Variants in PPM1E observed in about 807,000 individuals in gnomAD.
The protein encoded by PPM1E is protein phosphatase 1E.
A neutral mutation model predicts 65.9 loss-of-function variants in PPM1E; 20 were observed. The ratio of observed to expected loss-of-function variants is 0.30; its 90% CI spans 0.21 to 0.44. The LOEUF (loss-of-function observed/expected upper bound fraction) is 0.44, where lower values mean the gene tolerates loss of function less well. Among genes scored for constraint, PPM1E ranks in the 20% least tolerant of loss-of-function variants. The pLI is 1.00. For synonymous variants in PPM1E, 352 were observed against 374.9 expected (o/e 0.94, Z 0.70); for missense variants, 713 against 953.1 (o/e 0.75, Z 3.32).
intron 1 of PPM1E, among the ~76,000 whole-genome samples, chr17:58,878,918 GA>G (rs1434534605): frequency 4.1e-5 from 6 of 147,956 alleles, no homozygotes; most frequent in Non-Finnish European, 9.0e-5. Flanking sequence ...AAAAAAAAAA[GA>G]AAAAAAGAAA....
chr17:58,924,400 A>C (rs2051796934), intron 1 of PPM1E, among the ~76,000 whole-genome samples: 1 of 152,022 alleles, frequency 6.6e-6, no homozygotes, highest in Non-Finnish European at 1.5e-5. Flanking sequence ...AAAATTAAAA[A>C]TTTAGCTGGG....
intron 1 of PPM1E, among the ~76,000 whole-genome samples, chr17:58,809,396 C>CA (rs1386790316): frequency 6.6e-6 from 1 of 151,996 alleles, no homozygotes; most frequent in East Asian, 1.9e-4. Context: ...GCCAAATTAA[C>CA]AAAATTTTTT....
At chr17:58,925,950 A>G (rs1363395375) in intron 1 of PPM1E, among the ~76,000 whole-genome samples, 1 of 152,162 alleles carries the variant, frequency 6.6e-6, no homozygotes, top group Non-Finnish European at 1.5e-5. Context: ...ATTCTCATCA[A>G]CAGTGTATGG....
intron 1 of PPM1E, among the ~76,000 whole-genome samples, chr17:58,801,770 T>TG (rs1430695316): frequency 6.6e-6 from 1 of 151,174 alleles, no homozygotes; most frequent in Non-Finnish European, 1.5e-5. Context: ...ATTTTTATTT[T>TG]TTTTGAGACA....
intron 1 of PPM1E, among the ~76,000 whole-genome samples, chr17:58,843,444 C>T (rs1337881606): frequency 6.6e-6 from 1 of 151,542 alleles, no homozygotes; most frequent in Non-Finnish European, 1.5e-5. Flanking sequence ...TGCTTGAACC[C>T]GGGAGGTAGA....
At chr17:58,797,346 GA>G (rs1217284245) in intron 1 of PPM1E, among the ~76,000 whole-genome samples, 1 of 152,052 alleles carries the variant, frequency 6.6e-6, no homozygotes, top group Non-Finnish European at 1.5e-5. Context: ...TGCTATTCCA[GA>G]AGGTTTCTTC....
intron 1 of PPM1E, among the ~76,000 whole-genome samples, chr17:58,933,028 C>T (rs774596031): frequency 1.3e-5 from 2 of 152,218 alleles, no homozygotes; most frequent in Non-Finnish European, 2.9e-5. Flanking sequence ...CAGTAACACA[C>T]TGTGCACTAT....
intron 1 of PPM1E, among the ~76,000 whole-genome samples, chr17:58,897,330 C>G (rs1045414782): frequency 6.6e-6 from 1 of 151,416 alleles, no homozygotes; most frequent in African/African-American, 2.4e-5. Context: ...AGGAGAATGG[C>G]GTGAACCTGG....
intron 1 of PPM1E, among the ~76,000 whole-genome samples, chr17:58,786,617 T>C (rs2050103624): frequency 6.6e-6 from 1 of 152,184 alleles, no homozygotes; most frequent in Non-Finnish European, 1.5e-5. Flanking sequence ...GTTTAAAACT[T>C]ATGAATTGTT....
At chr17:58,848,475 A>G (rs4643394) in intron 1 of PPM1E, among the ~76,000 whole-genome samples, 34,806 of 152,048 alleles carry the variant, frequency 0.23, 5,144 homozygotes, top group Middle Eastern at 0.41. Context: ...GAGAGTTTTT[A>G]GCATGAAGGG....
chr17:58,864,063 T>C (rs900504856), intron 1 of PPM1E, among the ~76,000 whole-genome samples: 1 of 150,618 alleles, frequency 6.6e-6, no homozygotes, highest in African/African-American at 2.4e-5. Context: ...ATCTAGTATT[T>C]CCCTGCCTTC....
In PPM1E at chr17:58,963,922, C is replaced by A. The variant is rs534698681; in HGVS notation, c.584-1772C>A. Among the ~76,000 whole-genome samples the A allele has an allele frequency of 7.9e-5, 12 of 152,062 alleles. No individual in the cohort carries two copies. The East Asian group carries it at 2.3e-3, about 29-fold the overall frequency. On this transcript the variant is annotated intron_variant, in intron 2 of 6. Coordinates refer to ENST00000308249, the MANE Select transcript of PPM1E (RefSeq NM_014906.5). ...AAAAATAAAAATAAAGAAGACAAAA[C>A]CACAAGACAGGATTTACCACCCTGT...
chr17:58,923,702 G>T (rs139907785), intron 1 of PPM1E, among the ~76,000 whole-genome samples: 1,554 of 146,520 alleles, frequency 0.011, 26 homozygotes, highest in African/African-American at 0.038. Context: ...AGCTGAGATC[G>T]CACTACTGCA....
chr17:58,861,351 A>C (rs576933551), intron 1 of PPM1E, among the ~76,000 whole-genome samples: 1 of 152,200 alleles, frequency 6.6e-6, no homozygotes, highest in Non-Finnish European at 1.5e-5. Context: ...TTCTCCATCT[A>C]TTATAATTAT....
chr17:58,853,565 T>G (rs2050850885), intron 1 of PPM1E, among the ~76,000 whole-genome samples: 1 of 152,146 alleles, frequency 6.6e-6, no homozygotes, highest in Non-Finnish European at 1.5e-5. Context: ...TGGTGGCTCA[T>G]GCCTGTAATC....
At position 58,982,955 on chromosome 17, in the gene PPM1E, T is replaced by C. The variant is rs374203266; in HGVS notation, c.*1924T>C. On this transcript the variant is annotated 3_prime_UTR_variant, in exon 7 of 7. Coordinates refer to ENST00000308249, the MANE Select transcript of PPM1E (RefSeq NM_014906.5). The stretch of plus-strand genomic sequence containing the variant: ...ACAAGAAAACAAAGGCAGCAGACTA[T>C]TGGTACACATTATAGTCCAAAGTGC... The C allele has an allele frequency of 2.6e-6, 4 of 1,561,384 alleles. No homozygotes were observed. Among genetic ancestry groups the C allele is most frequent in the African/African-American group, 2.7e-5 (2 of 73,712 alleles).
At chr17:58,863,447 T>C (rs2050964275) in intron 1 of PPM1E, among the ~76,000 whole-genome samples, 1 of 152,208 alleles carries the variant, frequency 6.6e-6, no homozygotes, top group Non-Finnish European at 1.5e-5. Context: ...CCAAGTGTGT[T>C]ACAATGCTCT....
rs768953017 is a variant in PPM1E at position 58,756,244 on chromosome 17, C to G, written c.247C>G (p.Gln83Glu). The change falls in exon 1 of 7, where the codon CAA becomes GAA. Residue 83 changes from glutamine to glutamate, a missense_variant. This residue lies in a region of PPM1E where 212 missense variants were observed against 204.0 expected (regional missense o/e 1.04). Coordinates refer to ENST00000308249, the MANE Select transcript of PPM1E (RefSeq NM_014906.5). ...VAATEEGDQE[Q>E]DPEPEEEAAV... Reference sequence around the variant, plus strand: ...CGCGACGGAGGAGGGGGACCAGGAGCAAGACCCGGAGCCCGAGGAGGAGGC... The same window carrying G: ...CGCGACGGAGGAGGGGGACCAGGAGGAAGACCCGGAGCCCGAGGAGGAGGC... 4.1e-5 allele frequency: 64 copies of G among 1,551,726 alleles called. No individual in the cohort carries two copies. The highest frequency in any genetic ancestry group is 5.3e-5 in the Non-Finnish European group (61 of 1,147,422).
At chr17:58,830,107 T>G (rs1376305367) in intron 1 of PPM1E, among the ~76,000 whole-genome samples, 1 of 152,004 alleles carries the variant, frequency 6.6e-6, no homozygotes, top group Non-Finnish European at 1.5e-5. Flanking sequence ...CCCAGGAGTT[T>G]GAGGCTGCAA....
Sources: gnomAD v4.1 joint callset for allele counts (sites outside exome capture counted in the v4.1 genomes callset) on GRCh38, gnomAD v4.1.1 for gene constraint, gnomAD v4.1.1 regional missense constraint, MANE v1.5 for transcripts, NCBI Gene and HGNC (gene_info 2026-07-23, HGNC 2026-07-21) for gene names.